GLCCI1: variants seen among roughly 807,000 people sequenced by gnomAD.
GLCCI1 encodes glucocorticoid induced 1, also known as glucocorticoid-induced transcript 1 protein.
GLCCI1 carries 24 observed loss-of-function variants against 52.2 expected under a neutral mutation model. The ratio of observed to expected loss-of-function variants is 0.46; its 90% CI spans 0.33 to 0.65. The LOEUF is 0.65. GLCCI1 is among the 30% of genes least tolerant of loss of function. The pLI is 0.02. For missense variants in GLCCI1, 704 were observed against 701.5 expected, an observed-to-expected ratio of 1.00 and a Z score of -0.04; for synonymous variants, 310 against 276.5, an observed-to-expected ratio of 1.12 and a Z score of -1.20.
At position 8,055,482 on chromosome 7, in the gene GLCCI1, G is replaced by A. The variant is rs776009964; in HGVS notation, c.746G>A (p.Arg249His). The change falls in exon 4 of 8, where the codon CGT becomes CAT. Residue 249 changes from arginine (R) to histidine (H), a missense_variant. Coordinates refer to ENST00000223145, the MANE Select transcript of GLCCI1 (RefSeq NM_138426.4). The part of the protein sequence containing the change: ...QQLQRSKQSS[R>H]HSKEKDRQSP... ...CTACAACGCAGTAAACAGAGTAGTCGTCACAGTAAGGAGAAAGATCGCCAG... is the reference window on the plus strand; with the variant it reads ...CTACAACGCAGTAAACAGAGTAGTCATCACAGTAAGGAGAAAGATCGCCAG... 4 of 1,613,926 alleles carry A rather than the reference G, an allele frequency of 2.5e-6. No individual in the cohort carries two copies. The highest frequency in any genetic ancestry group is 1.3e-5 in the African/African-American group (1 of 75,026).
chr7:8,055,663 A>C (rs1782372923), intron 4 of GLCCI1, 114 bp downstream of exon 4: 1 of 723,304 alleles, frequency 1.4e-6, no homozygotes. Context: ...CTAAATTACT[A>C]GTTTGTTAAA....
chr7:8,034,773 C>T (rs1781829123), intron 3 of GLCCI1, among the ~76,000 whole-genome samples: 1 of 152,134 alleles, frequency 6.6e-6, no homozygotes, highest in South Asian at 2.1e-4. Context: ...GCCCAAGGGA[C>T]TTGCTATTTT....
In GLCCI1 at chr7:7,976,141, ATCGTATACCT is replaced by A. The variant is rs941566372; in HGVS notation, c.457+6336_457+6345del. On this transcript the variant is annotated intron_variant, in intron 1 of 7. Coordinates refer to ENST00000223145, the MANE Select transcript of GLCCI1 (RefSeq NM_138426.4). ...CGTATATAACTTAATGAAGTCCACC[ATCGTATACCT>A]TAATGATGGCTCACCAAAAAGAATG... Among the ~76,000 whole-genome samples, 5 of 152,082 alleles carry A rather than the reference ATCGTATACCT, an allele frequency of 3.3e-5. No individual in the cohort carries two copies. The South Asian group carries it at 6.2e-4, about 19-fold the overall frequency.
intron 7 of GLCCI1, among the ~76,000 whole-genome samples, chr7:8,085,622 T>C (rs1242680498): frequency 6.6e-6 from 1 of 152,032 alleles, no homozygotes; most frequent in Non-Finnish European, 1.5e-5. Context: ...TCTTGCAACA[T>C]AGAAGGACCC....
At chr7:8,016,535 G>A (rs1428571727) in intron 2 of GLCCI1, among the ~76,000 whole-genome samples, 2 of 152,098 alleles carry the variant, frequency 1.3e-5, no homozygotes, top group African/African-American at 4.8e-5. Flanking sequence ...ATAGTTTACG[G>A]TATGGTATGA....
intron 2 of GLCCI1, among the ~76,000 whole-genome samples, chr7:8,004,666 A>G (rs1238164652): frequency 6.6e-6 from 1 of 152,228 alleles, no homozygotes; most frequent in African/African-American, 2.4e-5. Flanking sequence ...ATTTATTGGC[A>G]TAAAGAAGAA....
intron 1 of GLCCI1, among the ~76,000 whole-genome samples, chr7:7,988,090 T>C (rs1321888753): frequency 6.6e-6 from 1 of 152,146 alleles, no homozygotes; most frequent in African/African-American, 2.4e-5. Flanking sequence ...AGATGATGTT[T>C]GGAATATGAG....
In GLCCI1 at chr7:8,057,337, G is replaced by T. The variant is rs116092338; in HGVS notation, c.813+1788G>T. On this transcript the variant is annotated intron_variant, in intron 4 of 7. Coordinates refer to ENST00000223145, the MANE Select transcript of GLCCI1 (RefSeq NM_138426.4). Reference sequence around the variant, plus strand: ...AGTTGTGAGTGGATAAACACTTCATGTATCCATGCATCCATGCAATACTGT... The same window carrying T: ...AGTTGTGAGTGGATAAACACTTCATTTATCCATGCATCCATGCAATACTGT... 5.0e-3 allele frequency among the ~76,000 whole-genome samples: 754 copies of T among 152,010 alleles called. 15 individuals carry two copies. The East Asian group carries it at 0.075, about 15-fold the overall frequency.
Position 7,969,482 on chromosome 7 carries a change from C to T in GLCCI1, c.132C>T (p.Gly44=). Residue 44 remains glycine (G), a synonymous_variant, in exon 1 of 8, where the codon GGC becomes GGT. Transcript: ENST00000223145. The surrounding 1 kb of genome is among the most constrained non-coding windows in gnomAD (Gnocchi z 4.9). The stretch of plus-strand genomic sequence containing the variant: ...CCGCCGGGAGCGGGAACGGTGCGGG[C>T]GGCGGCGGCGGCGTGGGCTGCGCCC... The part of the protein sequence containing the change: ...VAAAGSGNGA[G]GGGGVGCAPA... The T allele has an allele frequency of 4.9e-6, 5 of 1,010,798 alleles. No homozygotes were observed. The highest frequency in any genetic ancestry group is 4.7e-6 in the Non-Finnish European group (4 of 845,958). The allele number at this position is 1,010,798 out of a possible 1,614,324, so 62.6% of individuals were successfully genotyped here. A position where few individuals can be genotyped will look rare whatever the true frequency, so the allele number is the denominator to read the frequency against.
intron 4 of GLCCI1, among the ~76,000 whole-genome samples, chr7:8,056,163 G>A (rs1782393446): frequency 1.3e-5 from 2 of 151,832 alleles, no homozygotes; most frequent in Non-Finnish European, 2.9e-5. Flanking sequence ...AGCCAGACTG[G>A]TGGTGGGTTC....
intron 3 of GLCCI1, among the ~76,000 whole-genome samples, chr7:8,033,983 A>G (rs1020693113): frequency 6.6e-6 from 1 of 152,174 alleles, no homozygotes; most frequent in Non-Finnish European, 1.5e-5. Flanking sequence ...TGGTAGAATT[A>G]TATTACACTA....
chr7:8,017,688 T>TA (rs959565517), intron 2 of GLCCI1, among the ~76,000 whole-genome samples: 10 of 151,326 alleles, frequency 6.6e-5, no homozygotes, highest in East Asian at 1.9e-4. Flanking sequence ...TCCTAAAGCT[T>TA]AAAAAAAAAC....
intron 4 of GLCCI1, among the ~76,000 whole-genome samples, chr7:8,056,284 C>G (rs569859513): frequency 1.3e-5 from 2 of 152,196 alleles, no homozygotes; most frequent in Middle Eastern, 3.4e-3. Flanking sequence ...GGTGACAGAG[C>G]GAGAATCCAT....
intron 2 of GLCCI1, among the ~76,000 whole-genome samples, chr7:8,012,758 A>T (rs1355586522): frequency 6.6e-6 from 1 of 152,002 alleles, no homozygotes; most frequent in South Asian, 2.1e-4. Context: ...TTGCCTTTTT[A>T]TTCTTTTGAT....
chr7:8,059,543 C>A (rs565828882), intron 4 of GLCCI1, among the ~76,000 whole-genome samples: 1 of 152,280 alleles, frequency 6.6e-6, no homozygotes, highest in South Asian at 2.1e-4. Context: ...CTGCCAAGGA[C>A]TTTTGAAAAC....
At chr7:7,974,157 T>G (rs888760543) in intron 1 of GLCCI1, among the ~76,000 whole-genome samples, 1 of 152,184 alleles carries the variant, frequency 6.6e-6, no homozygotes, top group African/African-American at 2.4e-5. Flanking sequence ...AGAGCAGCAG[T>G]GTTCATTATT....
In GLCCI1 at chr7:7,969,878, C is replaced by T. The variant is rs1379232661; in HGVS notation, c.457+71C>T. ...CGGTGCCCTCCGTGGAAACTTCAGC[C>T]TCTTCGGGCTTCTCTTTGCTAGTGC... On this transcript the variant is annotated intron_variant, in intron 1 of 7. Coordinates refer to ENST00000223145, the MANE Select transcript of GLCCI1 (RefSeq NM_138426.4). This position sits in a 1 kb window ranked among gnomAD's most constrained non-coding sequence, Gnocchi z 4.9. 8.0e-7 allele frequency: 1 copy of T among 1,247,860 alleles called. No homozygotes were observed. Among genetic ancestry groups the T allele is most frequent in the African/African-American group, 1.6e-5 (1 of 61,766 alleles). The allele number at this position is 1,247,860 out of a possible 1,614,324, so 77.3% of individuals were successfully genotyped here. A position where few individuals can be genotyped will look rare whatever the true frequency, so the allele number is the denominator to read the frequency against.
At chr7:7,999,871 C>A (rs1026117288) in intron 1 of GLCCI1, among the ~76,000 whole-genome samples, 1 of 152,178 alleles carries the variant, frequency 6.6e-6, no homozygotes, top group African/African-American at 2.4e-5. Context: ...CCACTGTCCT[C>A]TAGCCCTGGG....
intron 4 of GLCCI1, 47 bp downstream of exon 4, chr7:8,055,596 T>C (rs1353017670): frequency 9.2e-7 from 1 of 1,084,226 alleles, no homozygotes; most frequent in African/African-American, 1.6e-5. Context: ...TTTAGTTCAT[T>C]AAGGAAGGGA....
Sources: gnomAD v4.1 joint callset for allele counts (sites outside exome capture counted in the v4.1 genomes callset) on GRCh38, gnomAD v4.1.1 for gene constraint, Gnocchi (gnomAD v3.1) non-coding constraint, MANE v1.5 for transcripts, NCBI Gene and HGNC (gene_info 2026-07-23, HGNC 2026-07-21) for gene names.